The following CEP120 variants were observed in gnomAD, a reference collection of about 807,000 sequenced individuals.
The protein encoded by CEP120 is centrosomal protein 120, also known as centrosomal protein of 120 kDa.
CEP120 carries 113 observed loss-of-function variants against 126.5 expected under a neutral mutation model. That is an observed-to-expected ratio of 0.89 (90% CI 0.77 to 1.04). The LOEUF is 1.04. CEP120 is among the 50% of genes least tolerant of loss of function. CEP120 has a pLI of 0.00. For missense variants in CEP120, 1,230 were observed against 1,155.7 expected (o/e 1.06, Z -0.93); for synonymous variants, 400 against 394.3 (o/e 1.01, Z -0.17).
intron 15 of CEP120, 123 bp downstream of exon 15, chr5:123,378,212 TA>T: frequency 1.6e-6 from 1 of 622,474 alleles, no homozygotes; most frequent in Non-Finnish European, 2.8e-6. Flanking sequence ...CTCATTCTTA[TA>T]AGCAGCCCAT....
intron 18 of CEP120, among the ~76,000 whole-genome samples, chr5:123,359,270 C>A (rs1185803647): frequency 1.3e-5 from 2 of 152,010 alleles, no homozygotes; most frequent in African/African-American, 2.4e-5. Flanking sequence ...AATTCTCTTT[C>A]CTGTCCTGGG....
upstream of CEP120, among the ~76,000 whole-genome samples, chr5:123,423,837 AC>A (rs1481497875): frequency 6.6e-6 from 1 of 152,192 alleles, no homozygotes; most frequent in African/African-American, 2.4e-5. Context: ...ACCTTTGAAA[AC>A]AAGTAGCTTC....
intron 5 of CEP120, among the ~76,000 whole-genome samples, chr5:123,394,079 G>T (rs1772595145): frequency 6.6e-6 from 1 of 152,158 alleles, no homozygotes; most frequent in African/African-American, 2.4e-5. Context: ...TAAGAGATGG[G>T]ATTCTTGTCC....
intron 1 of CEP120, among the ~76,000 whole-genome samples, chr5:123,419,547 C>CA (rs1248318471): frequency 1.3e-4 from 13 of 97,032 alleles, no homozygotes; most frequent in African/African-American, 3.8e-4. Context: ...AAAACAAAAA[C>CA]AAAAACAAAA....
chr5:123,397,379 A>G (rs764400045), intron 5 of CEP120, among the ~76,000 whole-genome samples: 24 of 152,328 alleles, frequency 1.6e-4, no homozygotes, highest in Non-Finnish European at 2.2e-4. Context: ...CAACACAGTA[A>G]AAATACAGTA....
intron 18 of CEP120, among the ~76,000 whole-genome samples, chr5:123,359,839 T>G (rs1268290876): frequency 6.6e-6 from 1 of 152,038 alleles, no homozygotes; most frequent in Non-Finnish European, 1.5e-5. Flanking sequence ...AAATAGACTA[T>G]CCTGGGTCAC....
intron 7 of CEP120, 66 bp downstream of exon 7, chr5:123,391,044 A>G (rs1159836812): frequency 8.4e-7 from 1 of 1,196,086 alleles, no homozygotes; most frequent in African/African-American, 1.5e-5. Context: ...TCTGAAATTC[A>G]ACTTTTGTAA....
chr5:123,409,048 G>C (rs1028270016), intron 4 of CEP120, among the ~76,000 whole-genome samples: 1 of 151,924 alleles, frequency 6.6e-6, no homozygotes, highest in Non-Finnish European at 1.5e-5. Context: ...CTCTACAAAA[G>C]GTTTTTAGAA....
At chr5:123,401,477 A>C (rs1000867517) in intron 4 of CEP120, 8 of 1,268,062 alleles carry the variant, frequency 6.3e-6, no homozygotes, top group Non-Finnish European at 5.8e-6. Flanking sequence ...CAGACTCTGC[A>C]GCTCCTCATC....
chr5:123,365,997 T>C (rs904460723), intron 17 of CEP120, among the ~76,000 whole-genome samples: 1 of 151,514 alleles, frequency 6.6e-6, no homozygotes, highest in Admixed American at 6.6e-5. Context: ...TAATTTGTAT[T>C]TGCATAGTCA....
Position 123,346,461 on chromosome 5 carries a change from T to G in CEP120, c.*58A>C, listed in dbSNP as rs1768821713. 2.3e-6 allele frequency: 3 copies of G among 1,328,484 alleles called. No individual in the cohort carries two copies. The highest frequency in any genetic ancestry group is 3.1e-6 in the Non-Finnish European group (3 of 961,448). 82.3% of individuals were successfully genotyped at this position (1,328,484 alleles called of 1,614,324 possible). A position where few individuals can be genotyped will look rare whatever the true frequency, so the allele number is the denominator to read the frequency against. On this transcript the variant is annotated 3_prime_UTR_variant, in exon 20 of 20. Coordinates refer to ENST00000306467, the MANE Select transcript of CEP120 (RefSeq NM_001375405.1). ...CATCCATTTTCCTCACTTTTGAGGT[T>G]TTTACAAAGAAATTAAAATTTAGAC...
intron 5 of CEP120, among the ~76,000 whole-genome samples, chr5:123,396,916 C>T (rs1772830223): frequency 6.6e-6 from 1 of 152,170 alleles, no homozygotes; most frequent in African/African-American, 2.4e-5. Context: ...GGATTAAACA[C>T]AAAATATGCA....
At position 123,346,730 on chromosome 5, in the gene CEP120, T is replaced by C; in HGVS notation, c.2750A>G (p.Gln917Arg). The C allele has an allele frequency of 1.2e-6, 2 of 1,610,822 alleles. No individual in the cohort carries two copies. Among genetic ancestry groups the C allele is most frequent in the Non-Finnish European group, 1.7e-6 (2 of 1,179,124 alleles). ...LNRLRQQEQK[Q>R]YQDSTEIASG... ...TGCAATCTCTGTGGAATCCTGGTAT[T>C]GTTTTTGCTCTTGTTGCCTTAACCT... Residue 917 changes from glutamine (Q) to arginine (R), a missense_variant, in exon 20 of 20, where the codon CAA (glutamine) becomes CGA (arginine). Gln to Arg is a conservative substitution (Grantham distance 43). Coordinates refer to ENST00000306467, the MANE Select transcript of CEP120 (RefSeq NM_001375405.1).
chr5:123,346,535 C>T lies in CEP120; in HGVS notation c.2945G>A (p.Ser982Asn). 1.2e-6 allele frequency: 2 copies of T among 1,611,156 alleles called. No individual in the cohort carries two copies. Among genetic ancestry groups the T allele is most frequent in the Non-Finnish European group, 1.7e-6 (2 of 1,179,078 alleles). ...CAAATGTTATTAATTACTGGCATTG[C>T]TTTTTGCCAAAATCTCTCTGATCTG... The part of the protein sequence containing the change: ...DRQIREILAK[S>N]NASN The change falls in exon 20 of 20, where the codon AGC becomes AAC. Residue 982 changes from serine to asparagine, a missense_variant. Ser to Asn is a conservative substitution (Grantham distance 46, BLOSUM62 1). Coordinates refer to ENST00000306467, the MANE Select transcript of CEP120 (RefSeq NM_001375405.1).
chr5:123,349,749 TC>T lies in CEP120; in HGVS notation c.2726+194del, dbSNP rs1561986576. 2.6e-5 allele frequency among the ~76,000 whole-genome samples: 4 copies of T among 152,138 alleles called. No homozygotes were observed. The South Asian group carries it at 8.3e-4, about 32-fold the overall frequency. On this transcript the variant is annotated intron_variant, in intron 19 of 19. Coordinates refer to ENST00000306467, the MANE Select transcript of CEP120 (RefSeq NM_001375405.1). ...TGGAACTCCTGGGCTCAAACGATCC[TC>T]CCACCATCCTCTCAAAGTGCTAGGA...
chr5:123,349,476 A>G (rs1769053282), intron 19 of CEP120, among the ~76,000 whole-genome samples: 1 of 152,212 alleles, frequency 6.6e-6, no homozygotes, highest in Non-Finnish European at 1.5e-5. Context: ...TACTTTATAT[A>G]AGTGAAGACT....
At chr5:123,397,842 G>C (rs1772891696) in intron 5 of CEP120, among the ~76,000 whole-genome samples, 1 of 152,204 alleles carries the variant, frequency 6.6e-6, no homozygotes, top group African/African-American at 2.4e-5. Context: ...CCAGCACCTT[G>C]CGAGGCTGAG....
chr5:123,351,105 C>T (rs1352930979), intron 18 of CEP120, among the ~76,000 whole-genome samples: 8 of 152,122 alleles, frequency 5.3e-5, no homozygotes, highest in Non-Finnish European at 1.0e-4. Flanking sequence ...TGACAAGGTA[C>T]ATTTTGATAT....
At chr5:123,408,369 A>G (rs1773830626) in intron 4 of CEP120, among the ~76,000 whole-genome samples, 1 of 151,886 alleles carries the variant, frequency 6.6e-6, no homozygotes, top group South Asian at 2.1e-4. Context: ...ATAAGCCTCC[A>G]GCCAGGCTCA....
Sources: allele counts gnomAD v4.1 joint callset (sites outside exome capture counted in the v4.1 genomes callset), GRCh38; gene constraint gnomAD v4.1.1; transcripts MANE v1.5; gene names NCBI Gene and HGNC (gene_info 2026-07-23, HGNC 2026-07-21).